Variants in SFMBT1 observed in about 807,000 individuals in gnomAD.
SFMBT1 encodes scm-like with four MBT domains protein 1.
SFMBT1 carries 32 observed loss-of-function variants against 108.7 expected under a neutral mutation model. The ratio of observed to expected loss-of-function variants is 0.29; its 90% CI spans 0.22 to 0.40. The LOEUF (loss-of-function observed/expected upper bound fraction) is 0.40. Among genes scored for constraint, SFMBT1 ranks in the 10% least tolerant of loss-of-function variants. The probability of loss-of-function intolerance (pLI) is 1.00; values close to 1 mark genes in which losing one functional copy is unlikely to be tolerated. For missense variants in SFMBT1, 816 were observed against 1,059.6 expected (o/e 0.77, Z 3.19); for synonymous variants, 348 against 369.5 (o/e 0.94, Z 0.67).
chr3:53,019,395 T>A (rs1329530128), intron 1 of SFMBT1, among the ~76,000 whole-genome samples: 3 of 140,818 alleles, frequency 2.1e-5, no homozygotes, highest in Non-Finnish European at 3.1e-5. Flanking sequence ...GTGGGGGGGG[T>A]ATATGTGTGA....
chr3:52,971,173 T>A (rs1252295499), intron 1 of SFMBT1, among the ~76,000 whole-genome samples: 2 of 151,760 alleles, frequency 1.3e-5, no homozygotes, highest in Non-Finnish European at 1.5e-5. Flanking sequence ...TAAGGAAACC[T>A]AGGTTCTAGT....
intron 3 of SFMBT1, among the ~76,000 whole-genome samples, chr3:52,950,327 T>C (rs2106827105): frequency 6.6e-6 from 1 of 152,354 alleles, no homozygotes. Context: ...CCAAATCCAA[T>C]TTGTGATTTT....
intron 1 of SFMBT1, among the ~76,000 whole-genome samples, chr3:53,013,377 G>A (rs890939277): frequency 1.3e-5 from 2 of 151,548 alleles, no homozygotes; most frequent in Non-Finnish European, 2.9e-5. Context: ...TACGTCTTGA[G>A]TATAACTCTT....
chr3:52,969,900 T>C (rs1704278653), intron 1 of SFMBT1, among the ~76,000 whole-genome samples: 1 of 152,088 alleles, frequency 6.6e-6, no homozygotes, highest in South Asian at 2.1e-4. Context: ...CCCAGGAGTT[T>C]GGGACCAGCC....
In SFMBT1 at chr3:52,906,170, A is replaced by C; in HGVS notation, c.2403T>G (p.Val801=). 1.2e-6 allele frequency: 2 copies of C among 1,614,146 alleles called. No individual in the cohort carries two copies. The highest frequency in any genetic ancestry group is 1.7e-6 in the Non-Finnish European group (2 of 1,179,982). Residue 801 remains valine (V), a synonymous_variant, in exon 20 of 21, where the codon GTT becomes GTG. Coordinates refer to ENST00000394752, the MANE Select transcript of SFMBT1 (RefSeq NM_016329.4). ...AGTCAGTGGATCTGATGAACCGCAC[A>C]ACGTCTGCCACACTCCACTTCAAGG... ...SNPLKWSVAD[V]VRFIRSTDCA...
chr3:52,981,890 G>GA (rs1447112153), intron 1 of SFMBT1, among the ~76,000 whole-genome samples: 2 of 152,286 alleles, frequency 1.3e-5, no homozygotes, highest in Non-Finnish European at 2.9e-5. Flanking sequence ...CCAGCTGCTA[G>GA]TTTTTTGGTT....
chr3:52,972,839 TA>T (rs1183338137), intron 1 of SFMBT1, among the ~76,000 whole-genome samples: 1 of 51,702 alleles, frequency 1.9e-5, no homozygotes, highest in Admixed American at 2.1e-4. Flanking sequence ...CCATCTCTAC[TA>T]AACACACACA....
intron 1 of SFMBT1, among the ~76,000 whole-genome samples, chr3:52,986,495 C>T (rs1704920185): frequency 6.6e-6 from 1 of 151,844 alleles, no homozygotes; most frequent in Non-Finnish European, 1.5e-5. Context: ...GGTCGGGCGC[C>T]ATGGCTCACG....
intron 2 of SFMBT1, among the ~76,000 whole-genome samples, chr3:52,968,077 C>G (rs1704209077): frequency 6.6e-6 from 1 of 152,184 alleles, no homozygotes; most frequent in Non-Finnish European, 1.5e-5. Flanking sequence ...GTTAACCAAA[C>G]TGCAGTACAT....
intron 1 of SFMBT1, among the ~76,000 whole-genome samples, chr3:52,985,917 C>T (rs986278780): frequency 1.3e-5 from 2 of 152,010 alleles, no homozygotes; most frequent in African/African-American, 4.8e-5. Context: ...CCAAGGTGGG[C>T]AGATCATTTG....
intron 4 of SFMBT1, among the ~76,000 whole-genome samples, chr3:52,938,374 T>G (rs2106806996): frequency 1.3e-5 from 2 of 152,308 alleles, no homozygotes; most frequent in South Asian, 4.1e-4. Flanking sequence ...ATGTGATCTA[T>G]CCCGTTTACA....
At chr3:53,021,147 C>T (rs1317229092) in intron 1 of SFMBT1, among the ~76,000 whole-genome samples, 8 of 152,208 alleles carry the variant, frequency 5.3e-5, no homozygotes, top group Non-Finnish European at 8.8e-5. Context: ...TCGTAAAGGA[C>T]ATCTCTAACA....
Position 52,938,167 on chromosome 3 carries a change from C to T in SFMBT1, c.365-3266G>A, listed in dbSNP as rs970543443. 3.3e-5 allele frequency among the ~76,000 whole-genome samples: 5 copies of T among 152,156 alleles called. No individual in the cohort carries two copies. The East Asian group carries it at 9.6e-4, about 29-fold the overall frequency. On this transcript the variant is annotated intron_variant, in intron 4 of 20. Coordinates refer to ENST00000394752, the MANE Select transcript of SFMBT1 (RefSeq NM_016329.4). ...CTTTGTCCTTTTATTTTTACTTTTT[C>T]GTAGTCTCTCTGCTTAGGTATGTCT...
At chr3:52,979,890 A>G (rs1249807209) in intron 1 of SFMBT1, among the ~76,000 whole-genome samples, 1 of 151,916 alleles carries the variant, frequency 6.6e-6, no homozygotes, top group African/African-American at 2.4e-5. Context: ...TAAAATAAAT[A>G]CAACTGAGCC....
Position 52,934,841 on chromosome 3 carries a change from C to G in SFMBT1, c.425G>C (p.Cys142Ser). 1 of 1,613,714 alleles carries G rather than the reference C, an allele frequency of 6.2e-7. No individual in the cohort carries two copies. Among genetic ancestry groups the G allele is most frequent in the South Asian group, 1.1e-5 (1 of 90,986 alleles). Residue 142 changes from cysteine to serine, a missense_variant, in exon 5 of 21, where the codon TGT becomes TCT. Cys to Ser is a moderately radical substitution (Grantham distance 112). This residue lies in a region of SFMBT1 where 495 missense variants were observed against 607.4 expected (regional missense o/e 0.81). Transcript: ENST00000394752. Reference protein sequence around the residue: ...EFLRQTLIGACSPPVPLLEGL... With the variant: ...EFLRQTLIGASSPPVPLLEGL... ...CTCTAGCAGCGGAACAGGAGGACTACATGCTCCTATCAGGGTCTGCCGCAG... is the reference window on the plus strand; with the variant it reads ...CTCTAGCAGCGGAACAGGAGGACTAGATGCTCCTATCAGGGTCTGCCGCAG...
chr3:52,970,754 T>C (rs1346170405), intron 1 of SFMBT1, among the ~76,000 whole-genome samples: 4 of 152,180 alleles, frequency 2.6e-5, no homozygotes, highest in Non-Finnish European at 5.9e-5. Flanking sequence ...GCAACTTTAA[T>C]CATGAAGAAA....
intron 20 of SFMBT1, 99 bp from the exon 21 acceptor site, chr3:52,905,375 C>A (rs1331581099): frequency 1.6e-6 from 2 of 1,246,288 alleles, no homozygotes; most frequent in Non-Finnish European, 2.2e-6. Context: ...AAACTGGAAT[C>A]CCTATGCTTT....
In SFMBT1 at chr3:53,009,111, A is replaced by G. The variant is rs186743208; in HGVS notation, c.-131+36705T>C. ...GGCAACATAGCAAGACCCTGTGTCT[A>G]TAACAAGGAAGAAAATGAAAAAAGA... On this transcript the variant is annotated intron_variant, in intron 1 of 20. Coordinates refer to ENST00000394752, the MANE Select transcript of SFMBT1 (RefSeq NM_016329.4). 9.7e-4 allele frequency among the ~76,000 whole-genome samples: 148 copies of G among 151,962 alleles called. 1 individual carries two copies. The highest frequency in any genetic ancestry group is 3.5e-3 in the African/African-American group (144 of 41,476).
intron 1 of SFMBT1, among the ~76,000 whole-genome samples, chr3:53,019,754 G>A (rs531061214): frequency 3.9e-5 from 6 of 152,254 alleles, no homozygotes; most frequent in African/African-American, 9.6e-5. Flanking sequence ...GCATTTGGAA[G>A]TCCATTCTCC....
Sources: allele counts gnomAD v4.1 joint callset (sites outside exome capture counted in the v4.1 genomes callset), GRCh38; gene constraint gnomAD v4.1.1; regional missense constraint gnomAD v4.1.1; transcripts MANE v1.5; gene names NCBI Gene and HGNC (gene_info 2026-07-23, HGNC 2026-07-21).